PTDSS1: variants seen among roughly 807,000 people sequenced by gnomAD.
PTDSS1 encodes the protein phosphatidylserine synthase 1.
In PTDSS1, 45 loss-of-function variants were observed where a neutral mutation model predicts 70.5. The observed-to-expected ratio is 0.64, with a 90% CI of 0.50 to 0.82. The LOEUF (loss-of-function observed/expected upper bound fraction) is 0.82, where lower values mean the gene tolerates loss of function less well. Among genes scored for constraint, PTDSS1 ranks in the 40% least tolerant of loss-of-function variants. The pLI is 0.00. For synonymous variants in PTDSS1, 188 were observed against 203.8 expected, an observed-to-expected ratio of 0.92 and a Z score of 0.66; for missense variants, 417 against 586.1, an observed-to-expected ratio of 0.71 and a Z score of 2.98.
rs149663703 is a variant in PTDSS1 at position 96,316,608 on chromosome 8, G to A, written c.1074-3638G>A. 2.0e-5 allele frequency among the ~76,000 whole-genome samples: 3 copies of A among 152,212 alleles called. No homozygotes were observed. In the East Asian group the frequency reaches 5.8e-4, roughly 29 times the overall value. Reference sequence around the variant, plus strand: ...GGGAAAACTACTTGCTGGGTGCTACGCTCACTACCTGGGTCCAATATACCC... The same window carrying A: ...GGGAAAACTACTTGCTGGGTGCTACACTCACTACCTGGGTCCAATATACCC... On this transcript the variant is annotated intron_variant, in intron 9 of 12. Transcript: ENST00000517309.
At chr8:96,321,722 G>A (rs183760375) in intron 10 of PTDSS1, among the ~76,000 whole-genome samples, 68 of 151,882 alleles carry the variant, frequency 4.5e-4, no homozygotes, top group Non-Finnish European at 7.4e-4. Flanking sequence ...TATTTTTAAC[G>A]TGTCTTTTAT....
At chr8:96,272,001 A>G (rs1164855888) in intron 1 of PTDSS1, among the ~76,000 whole-genome samples, 1 of 152,026 alleles carries the variant, frequency 6.6e-6, no homozygotes, top group East Asian at 1.9e-4. Context: ...TTTTCTATTT[A>G]GATTTTTTTA....
chr8:96,295,092 A>C lies in PTDSS1; in HGVS notation c.442-6A>C. 6.3e-7 allele frequency: 1 copy of C among 1,599,418 alleles called. No homozygotes were observed. Among genetic ancestry groups the C allele is most frequent in the Non-Finnish European group, 8.5e-7 (1 of 1,173,954 alleles). ...CACTAATTATTCTCTTTTTTATTTT[A>C]AATAGGAGTATGCTGTGAACTGCCA... On this transcript the variant is annotated splice_region_variant and splice_polypyrimidine_tract_variant and intron_variant, in intron 4 of 12. Coordinates refer to ENST00000517309, the MANE Select transcript of PTDSS1 (RefSeq NM_014754.3).
chr8:96,305,377 A>G (rs1286678320), intron 7 of PTDSS1, among the ~76,000 whole-genome samples: 1 of 152,240 alleles, frequency 6.6e-6, no homozygotes, highest in Non-Finnish European at 1.5e-5. Flanking sequence ...TGAACCTGCC[A>G]GTCTATGTAC....
rs1470102478 is a variant in PTDSS1, at chr8:96,335,676, CTT to C, written c.*2112_*2113del. 6.6e-6 allele frequency: 1 copy of C among 152,230 alleles called. No individual in the cohort carries two copies. Among genetic ancestry groups the C allele is most frequent in the Admixed American group, 6.5e-5 (1 of 15,274 alleles). 9.4% of individuals were successfully genotyped at this position (152,230 alleles called of 1,614,324 possible). On this transcript the variant is annotated 3_prime_UTR_variant, in exon 13 of 13. Transcript: ENST00000517309. ...TCCATGCCCTTTCTTTGAGTTGAAACTTTCTATTTCCCTTCAGTCAGAGCTCT... is the reference window on the plus strand; with the variant it reads ...TCCATGCCCTTTCTTTGAGTTGAAACTCTATTTCCCTTCAGTCAGAGCTCT...
rs1216256821 is a variant in PTDSS1, at chr8:96,336,358, G to C, written c.*2792G>C. 6.6e-6 allele frequency: 1 copy of C among 151,992 alleles called. No homozygotes were observed. Among genetic ancestry groups the C allele is most frequent in the Non-Finnish European group, 1.5e-5 (1 of 68,044 alleles). The allele number at this position is 151,992 out of a possible 1,614,324, so 9.4% of individuals were successfully genotyped here. A position where few individuals can be genotyped will look rare whatever the true frequency, so the allele number is the denominator to read the frequency against. On this transcript the variant is annotated 3_prime_UTR_variant, in exon 13 of 13. Coordinates refer to ENST00000517309, the MANE Select transcript of PTDSS1 (RefSeq NM_014754.3). ...TCTTTATGCCAAGGCCCACCCTTTG[G>C]AATTGGGAGGGTTTTGGGTAGAATC...
intron 8 of PTDSS1, among the ~76,000 whole-genome samples, chr8:96,306,774 A>G (rs1370162740): frequency 6.6e-6 from 1 of 152,250 alleles, no homozygotes; most frequent in African/African-American, 2.4e-5. Context: ...CACCACACCA[A>G]TAGTACTATC....
In PTDSS1 at chr8:96,333,719, GT is replaced by G; in HGVS notation, c.*156del. 1.3e-6 allele frequency: 1 copy of G among 786,080 alleles called. No homozygotes were observed. The highest frequency in any genetic ancestry group is 1.4e-5 in the South Asian group (1 of 69,178). The allele number at this position is 786,080 out of a possible 1,614,324, so 48.7% of individuals were successfully genotyped here. On this transcript the variant is annotated 3_prime_UTR_variant, in exon 13 of 13. Transcript: ENST00000517309. ...GTCATTATTTGAGATCGTAAGTCTT[GT>G]TTCCCACAGACCTGGCCGCGTCAGG...
Position 96,322,840 on chromosome 8 carries a change from G to A in PTDSS1, c.1173+2495G>A, listed in dbSNP as rs555385220. On this transcript the variant is annotated intron_variant, in intron 10 of 12. Coordinates refer to ENST00000517309, the MANE Select transcript of PTDSS1 (RefSeq NM_014754.3). ...GAATTAACCCCACTTGGACACCACC[G>A]CAGTTTCTGGCCTATACCTTCCAGA... 2.0e-5 allele frequency among the ~76,000 whole-genome samples: 3 copies of A among 152,204 alleles called. No individual in the cohort carries two copies. In the East Asian group the frequency reaches 5.8e-4, roughly 29 times the overall value.
At chr8:96,317,878 A>AGTGTGTGTGT (rs10529330) in intron 9 of PTDSS1, among the ~76,000 whole-genome samples, 23 of 139,866 alleles carry the variant, frequency 1.6e-4, no homozygotes, top group African/African-American at 4.3e-4. Flanking sequence ...CTTTTGTTTC[A>AGTGTGTGTGT]GTGTGTGTGT....
At chr8:96,300,526 G>A (rs1327028890) in intron 6 of PTDSS1, among the ~76,000 whole-genome samples, 1 of 152,120 alleles carries the variant, frequency 6.6e-6, no homozygotes, top group African/African-American at 2.4e-5. Flanking sequence ...CAGTCATACC[G>A]CCGGCATTGC....
intron 9 of PTDSS1, among the ~76,000 whole-genome samples, chr8:96,314,690 G>A (rs58027309): frequency 1.3e-5 from 2 of 152,060 alleles, no homozygotes; most frequent in African/African-American, 2.4e-5. Flanking sequence ...TCCGCCTCCC[G>A]GGTTCATGCC....
At chr8:96,326,395 T>C (rs995862384) in intron 10 of PTDSS1, among the ~76,000 whole-genome samples, 21 of 152,302 alleles carry the variant, frequency 1.4e-4, no homozygotes, top group African/African-American at 4.6e-4. Context: ...TCCTCCACAC[T>C]GCACTCCTTG....
At chr8:96,320,112 G>C (rs1040891637) in intron 9 of PTDSS1, 134 bp from the exon 10 acceptor site, 1 of 715,212 alleles carries the variant, frequency 1.4e-6, no homozygotes, top group Non-Finnish European at 2.4e-6. Context: ...ATTTTGTGGG[G>C]TACCTGCTAC....
At chr8:96,288,000 A>G (rs916526037) in intron 4 of PTDSS1, among the ~76,000 whole-genome samples, 4 of 152,208 alleles carry the variant, frequency 2.6e-5, no homozygotes, top group African/African-American at 9.6e-5. Flanking sequence ...TCGCAAGTCC[A>G]GGCTGTCACC....
intron 4 of PTDSS1, among the ~76,000 whole-genome samples, chr8:96,290,061 G>A (rs115158028): frequency 6.2e-4 from 95 of 152,168 alleles, no homozygotes; most frequent in African/African-American, 2.0e-3. Flanking sequence ...CATGCTAGAT[G>A]TTCATATCAC....
Position 96,273,385 on chromosome 8 carries a change from C to G in PTDSS1, c.266C>G (p.Pro89Arg). 6.2e-7 allele frequency: 1 copy of G among 1,608,808 alleles called. No individual in the cohort carries two copies. The highest frequency in any genetic ancestry group is 8.5e-7 in the Non-Finnish European group (1 of 1,176,942). ...FFLIISVLAFPNGPFTRPHPA... is the reference protein window; with the variant it reads ...FFLIISVLAFRNGPFTRPHPA... ...CTTATCATCAGTGTGTTAGCTTTCCCCAATGGTAAGTAATGTCATGCATTA... is the reference window on the plus strand; with the variant it reads ...CTTATCATCAGTGTGTTAGCTTTCCGCAATGGTAAGTAATGTCATGCATTA... Residue 89 changes from proline (P) to arginine (R), a missense_variant, in exon 2 of 13, where the codon CCC (proline) becomes CGC (arginine). Physicochemically the swap from Pro to Arg is moderately radical, Grantham distance 103 (BLOSUM62 -2). Transcript: ENST00000517309.
intron 10 of PTDSS1, among the ~76,000 whole-genome samples, chr8:96,329,015 T>C (rs1811476502): frequency 1.3e-5 from 2 of 152,218 alleles, no homozygotes; most frequent in Non-Finnish European, 2.9e-5. Flanking sequence ...TCTCTGAGCT[T>C]TCATTCTTCT....
At chr8:96,267,431 TG>T (rs1031988260) in intron 1 of PTDSS1, among the ~76,000 whole-genome samples, 5 of 152,300 alleles carry the variant, frequency 3.3e-5, no homozygotes, top group Middle Eastern at 3.4e-3. Flanking sequence ...CCCAACCCTT[TG>T]GGATAGCTGA....
Sources: gnomAD v4.1 joint callset for allele counts (sites outside exome capture counted in the v4.1 genomes callset) on GRCh38, gnomAD v4.1.1 for gene constraint, MANE v1.5 for transcripts, NCBI Gene and HGNC (gene_info 2026-07-23, HGNC 2026-07-21) for gene names.